The following METTL25 variants were observed in gnomAD, a reference collection of about 807,000 sequenced individuals.
METTL25 encodes methyltransferase like 25.
A neutral mutation model predicts 71.6 loss-of-function variants in METTL25; 64 were observed. That is an observed-to-expected ratio of 0.89 (90% CI 0.73 to 1.10). The LOEUF is 1.10. Among genes scored for constraint, METTL25 ranks in the 50% least tolerant of loss-of-function variants. The probability of loss-of-function intolerance (pLI) is 0.00; values close to 1 mark genes in which losing one functional copy is unlikely to be tolerated. For synonymous variants in METTL25, 287 were observed against 250.3 expected, an observed-to-expected ratio of 1.15 and a Z score of -1.38; for missense variants, 807 against 707.0, an observed-to-expected ratio of 1.14 and a Z score of -1.60.
At chr12:82,432,863 TAAAAA>T (rs11358515) in intron 6 of METTL25, among the ~76,000 whole-genome samples, 1 of 130,262 alleles carries the variant, frequency 7.7e-6, no homozygotes, top group Non-Finnish European at 1.6e-5. Context: ...TGGTCTTCTT[TAAAAA>T]AAAAAAAAAA....
chr12:82,391,457 G>A (rs1432668949), intron 3 of METTL25, among the ~76,000 whole-genome samples: 7 of 151,680 alleles, frequency 4.6e-5, no homozygotes, highest in Non-Finnish European at 8.8e-5. Context: ...TCTAGCCAAT[G>A]TGCAAAATTT....
intron 1 of METTL25, among the ~76,000 whole-genome samples, chr12:82,365,952 G>A (rs949347245): frequency 9.2e-5 from 14 of 152,124 alleles, no homozygotes; most frequent in African/African-American, 3.4e-4. Flanking sequence ...CATGGTGGCG[G>A]GCACCTGTAG....
chr12:82,412,047 C>A (rs1887595777), intron 5 of METTL25, among the ~76,000 whole-genome samples: 1 of 152,016 alleles, frequency 6.6e-6, no homozygotes, highest in Admixed American at 6.6e-5. Context: ...TATGGAAGAA[C>A]ATTATGTTTG....
At chr12:82,387,016 C>T in intron 2 of METTL25, 49 bp downstream of exon 2, 1 of 1,462,674 alleles carries the variant, frequency 6.8e-7, no homozygotes, top group Non-Finnish European at 9.4e-7. Flanking sequence ...TACTTAGAAG[C>T]AATACTTTGT....
At chr12:82,361,336 G>T (rs1212363274) in intron 1 of METTL25, among the ~76,000 whole-genome samples, 1 of 152,336 alleles carries the variant, frequency 6.6e-6, no homozygotes, top group East Asian at 1.9e-4. Context: ...CTAGACTCAG[G>T]AGCCCAGCTG....
intron 3 of METTL25, among the ~76,000 whole-genome samples, chr12:82,391,738 T>G (rs1016357356): frequency 1.3e-5 from 2 of 151,496 alleles, no homozygotes; most frequent in East Asian, 3.9e-4. Context: ...TTTTTTTTTT[T>G]TTGGATATAT....
At position 82,358,738 on chromosome 12, in the gene METTL25, T is replaced by C. The variant is rs763455914; in HGVS notation, c.173T>C (p.Val58Ala). Residue 58 changes from valine (V) to alanine (A), a missense_variant, in exon 1 of 12, where the codon GTG becomes GCG. By Grantham distance (64) the Val-to-Ala change is moderately conservative. Transcript: ENST00000248306. The stretch of plus-strand genomic sequence containing the variant: ...CTGGTCGACTTGCCACCGGAGACAG[T>C]GCTGGCTGCGCTGAGGAAGTCAGCG... Reference protein sequence around the residue: ...EELVDLPPETVLAALRKSASE... With the variant: ...EELVDLPPETALAALRKSASE... 6.2e-7 allele frequency: 1 copy of C among 1,613,716 alleles called. No individual in the cohort carries two copies. Among genetic ancestry groups the C allele is most frequent in the Non-Finnish European group, 8.5e-7 (1 of 1,179,916 alleles).
intron 1 of METTL25, among the ~76,000 whole-genome samples, chr12:82,371,766 GTA>G (rs1318405865): frequency 6.6e-6 from 1 of 152,158 alleles, no homozygotes; most frequent in Non-Finnish European, 1.5e-5. Context: ...TGACAGGGGA[GTA>G]TATTTTCTTA....
At chr12:82,390,374 G>C (rs1885458963) in intron 3 of METTL25, among the ~76,000 whole-genome samples, 1 of 152,040 alleles carries the variant, frequency 6.6e-6, no homozygotes, top group Admixed American at 6.6e-5. Context: ...TTATATCATA[G>C]TGTTTGATTC....
chr12:82,361,076 CTCT>C (rs913448935), intron 1 of METTL25, among the ~76,000 whole-genome samples: 146 of 152,208 alleles, frequency 9.6e-4, no homozygotes, highest in African/African-American at 3.4e-3. Flanking sequence ...TGCTTTTATT[CTCT>C]TATCTGACCC....
At chr12:82,363,103 T>C (rs1201605712) in intron 1 of METTL25, among the ~76,000 whole-genome samples, 1 of 152,148 alleles carries the variant, frequency 6.6e-6, no homozygotes, top group Admixed American at 6.5e-5. Context: ...ACGTACATTC[T>C]GGAAACAGGA....
At chr12:82,400,167 CA>C (rs1045780599) in intron 4 of METTL25, among the ~76,000 whole-genome samples, 4 of 151,252 alleles carry the variant, frequency 2.6e-5, no homozygotes. Flanking sequence ...ACTAAAAATA[CA>C]AAAAAAAATA....
At chr12:82,470,418 C>A (rs1011142243) in intron 9 of METTL25, among the ~76,000 whole-genome samples, 1 of 152,076 alleles carries the variant, frequency 6.6e-6, no homozygotes, top group Admixed American at 6.6e-5. Context: ...GAGTATGGAC[C>A]AAGTAGAAAC....
At chr12:82,377,268 T>C (rs1883974449) in intron 1 of METTL25, among the ~76,000 whole-genome samples, 1 of 152,230 alleles carries the variant, frequency 6.6e-6, no homozygotes, top group African/African-American at 2.4e-5. Context: ...ATCAAGTGGT[T>C]GCATGCGTCA....
intron 1 of METTL25, among the ~76,000 whole-genome samples, chr12:82,381,157 G>A (rs1884407214): frequency 6.6e-6 from 1 of 152,144 alleles, no homozygotes; most frequent in Non-Finnish European, 1.5e-5. Flanking sequence ...CTTATACATG[G>A]TAGGTACCCC....
chr12:82,475,926 T>C (rs943309608), intron 9 of METTL25, among the ~76,000 whole-genome samples: 2 of 152,106 alleles, frequency 1.3e-5, no homozygotes, highest in Non-Finnish European at 2.9e-5. Context: ...CCTTTGAATG[T>C]CATGTTGGCA....
chr12:82,402,005 A>G (rs1331580994), intron 4 of METTL25, among the ~76,000 whole-genome samples: 1 of 151,960 alleles, frequency 6.6e-6, no homozygotes, highest in Non-Finnish European at 1.5e-5. Flanking sequence ...GAGTCATGTC[A>G]AAGACAGAAG....
At chr12:82,404,709 G>T (rs1482271240) in intron 5 of METTL25, among the ~76,000 whole-genome samples, 1 of 152,092 alleles carries the variant, frequency 6.6e-6, no homozygotes, top group African/African-American at 2.4e-5. Flanking sequence ...TTGGGAGGCC[G>T]AGGCAGGCAG....
At chr12:82,455,720 G>A (rs1891444463) in intron 8 of METTL25, among the ~76,000 whole-genome samples, 1 of 151,894 alleles carries the variant, frequency 6.6e-6, no homozygotes, top group Non-Finnish European at 1.5e-5. Flanking sequence ...ATACTGGAAT[G>A]TAATGGGATA....
Sources: gnomAD v4.1 joint callset for allele counts (sites outside exome capture counted in the v4.1 genomes callset) on GRCh38, gnomAD v4.1.1 for gene constraint, MANE v1.5 for transcripts, NCBI Gene and HGNC (gene_info 2026-07-23, HGNC 2026-07-21) for gene names.